The following N4BP2L2 variants were observed in gnomAD, a reference collection of about 807,000 sequenced individuals.
N4BP2L2 encodes NEDD4-binding protein 2-like 2.
A neutral mutation model predicts 56.2 loss-of-function variants in N4BP2L2; 50 were observed. That is an observed-to-expected ratio of 0.89 (90% CI 0.71 to 1.13). The LOEUF is 1.13. N4BP2L2 is among the 50% of genes most tolerant of loss of function. The probability of loss-of-function intolerance (pLI) is 0.00; values close to 1 mark genes in which losing one functional copy is unlikely to be tolerated. For synonymous variants in N4BP2L2, 203 were observed against 223.6 expected, an observed-to-expected ratio of 0.91 and a Z score of 0.82; for missense variants, 689 against 693.8, an observed-to-expected ratio of 0.99 and a Z score of 0.08.
intron 6 of N4BP2L2, among the ~76,000 whole-genome samples, chr13:32,500,569 A>AAAAAT (rs1555265131): frequency 1.0e-4 from 14 of 134,678 alleles, no homozygotes; most frequent in Non-Finnish European, 1.1e-4. Context: ...AAAAAAAAAA[A>AAAAAT]TAGCCAGGCA....
chr13:32,435,781 G>T (rs1016814544), intron 9 of N4BP2L2, among the ~76,000 whole-genome samples: 6 of 152,036 alleles, frequency 3.9e-5, no homozygotes, highest in African/African-American at 1.2e-4. Flanking sequence ...AATATTCTTA[G>T]AAATAAGTTA....
At chr13:32,512,702 CCTT>C (rs1268987109) in exon 6 of N4BP2L2, 3 of 152,188 alleles carry the variant, frequency 2.0e-5, no homozygotes, top group African/African-American at 4.8e-5. Flanking sequence ...TTGTGCTACT[CCTT>C]CTTCTTGTTC....
intron 6 of N4BP2L2, chr13:32,478,033 A>G (rs2083714560): frequency 1.6e-6 from 2 of 1,289,164 alleles, no homozygotes; most frequent in South Asian, 1.2e-5. Flanking sequence ...CCTCATCCCC[A>G]TTAGTCTGCT....
exon 6 of N4BP2L2, chr13:32,517,518 C>A: frequency 9.0e-7 from 1 of 1,117,018 alleles, no homozygotes; most frequent in Non-Finnish European, 1.1e-6. Context: ...GTTTAAAATT[C>A]GATTGTAGAA....
Position 32,436,389 on chromosome 13 carries a change from ATCT to A in N4BP2L2, c.2204_2206del (p.Lys735del), listed in dbSNP as rs562861185. On this transcript the variant is annotated inframe_deletion, in exon 9 of 10. Coordinates refer to the N4BP2L2 transcript ENST00000357505. Reference sequence around the variant, plus strand: ...TCAAGGAATTTTCATTTTTCAACCAATCTTCTTCTGTCTTTTCTAGAAATTATA... The same window carrying A: ...TCAAGGAATTTTCATTTTTCAACCAATCTTCTGTCTTTTCTAGAAATTATA... 31 of 1,240,788 alleles carry A rather than the reference ATCT, an allele frequency of 2.5e-5. No individual in the cohort carries two copies. The East Asian group carries it at 4.0e-4, about 16-fold the overall frequency. The allele number at this position is 1,240,788 out of a possible 1,614,324, so 76.9% of individuals were successfully genotyped here.
downstream of N4BP2L2, chr13:32,507,267 A>C (rs1269958375): frequency 6.6e-6 from 1 of 152,180 alleles, no homozygotes; most frequent in Non-Finnish European, 1.5e-5. Context: ...AGGAGCTTTT[A>C]AGCTTAGAAG....
intron 9 of N4BP2L2, among the ~76,000 whole-genome samples, chr13:32,434,501 GT>G (rs1487372163): frequency 6.6e-6 from 1 of 152,078 alleles, no homozygotes; most frequent in Non-Finnish European, 1.5e-5. Context: ...AGGGTCCTCT[GT>G]TTAGGGTCAC....
At chr13:32,534,918 CAATA>C (rs1468547288) in intron 2 of N4BP2L2, among the ~76,000 whole-genome samples, 3 of 152,080 alleles carry the variant, frequency 2.0e-5, no homozygotes, top group Non-Finnish European at 4.4e-5. Context: ...TCAAGTGCAT[CAATA>C]GTTTAAAAAT....
chr13:32,471,160 T>G (rs112159518), intron 6 of N4BP2L2, among the ~76,000 whole-genome samples: 2,557 of 152,284 alleles, frequency 0.017, 72 homozygotes, highest in African/African-American at 0.057. Flanking sequence ...CTTATGTATG[T>G]GTTGGACCTG....
chr13:32,452,768 A>C (rs374688587), intron 6 of N4BP2L2, among the ~76,000 whole-genome samples: 3 of 152,248 alleles, frequency 2.0e-5, no homozygotes, highest in African/African-American at 7.2e-5. Flanking sequence ...AATGAGTACT[A>C]TGATCCTATC....
chr13:32,535,793 C>T, exon 2 of N4BP2L2: 1 of 1,613,774 alleles, frequency 6.2e-7, no homozygotes, highest in Admixed American at 1.7e-5. Context: ...TTTCCCAGAA[C>T]CAGGCAGACC....
chr13:32,470,197 A>C (rs551900819), intron 6 of N4BP2L2, among the ~76,000 whole-genome samples: 67 of 152,118 alleles, frequency 4.4e-4, no homozygotes, highest in African/African-American at 1.6e-3. Flanking sequence ...GACTTGATGG[A>C]CCGCTTGACA....
chr13:32,453,743 A>T (rs1422054053), intron 6 of N4BP2L2, among the ~76,000 whole-genome samples: 1 of 152,180 alleles, frequency 6.6e-6, no homozygotes, highest in African/African-American at 2.4e-5. Flanking sequence ...CTCAGTACAG[A>T]TTTTTAGTAC....
At chr13:32,476,979 C>A (rs1214660462) in intron 6 of N4BP2L2, among the ~76,000 whole-genome samples, 2 of 152,100 alleles carry the variant, frequency 1.3e-5, no homozygotes, top group African/African-American at 4.8e-5. Context: ...AGTAGTGATG[C>A]TACTTGAAGG....
exon 2 of N4BP2L2, chr13:32,536,118 T>C (rs761162385): frequency 2.2e-5 from 35 of 1,613,966 alleles, no homozygotes; most frequent in Non-Finnish European, 1.4e-5. Context: ...GCTTGGAAAA[T>C]ATTTGATGGT....
At chr13:32,498,138 C>T (rs1445688308) in intron 6 of N4BP2L2, among the ~76,000 whole-genome samples, 1 of 152,022 alleles carries the variant, frequency 6.6e-6, no homozygotes. Flanking sequence ...GCATATGCCA[C>T]CATACTTGGC....
In N4BP2L2 at chr13:32,452,186, C is replaced by T. The variant is rs754707582; in HGVS notation, c.366-8060G>A. Among the ~76,000 whole-genome samples, 264 of 152,102 alleles carry T rather than the reference C, an allele frequency of 1.7e-3. 2 individuals carry two copies. The highest frequency in any genetic ancestry group is 3.4e-3 in the Middle Eastern group (1 of 292). On this transcript the variant is annotated intron_variant, in intron 6 of 9. Transcript: ENST00000357505. ...AAGTGATTCTCCTGCCTCAGCCTCC[C>T]GAGTAGCTGGGATTACAGGCCTGTG...
intron 6 of N4BP2L2, among the ~76,000 whole-genome samples, chr13:32,465,266 G>A (rs781661371): frequency 7.2e-5 from 11 of 151,860 alleles, no homozygotes; most frequent in Admixed American, 1.3e-4. Flanking sequence ...TGCCCAGCCC[G>A]AATCTAGAAA....
chr13:32,480,351 T>C (rs1411204097), intron 6 of N4BP2L2, among the ~76,000 whole-genome samples: 1 of 152,224 alleles, frequency 6.6e-6, no homozygotes. Flanking sequence ...GAGAACCTCA[T>C]TTAATGCAAT....
Sources: allele counts gnomAD v4.1 joint callset (sites outside exome capture counted in the v4.1 genomes callset), GRCh38; gene constraint gnomAD v4.1.1; transcripts MANE v1.5; gene names NCBI Gene and HGNC (gene_info 2026-07-23, HGNC 2026-07-21).